The following ITPR1 variants were observed in gnomAD, a reference collection of about 807,000 sequenced individuals.
ITPR1 encodes inositol 1,4,5-trisphosphate-gated calcium channel ITPR1.
Under a neutral mutation model 318.4 loss-of-function variants are expected in ITPR1, and 96 were observed. The ratio of observed to expected loss-of-function variants is 0.30; its 90% confidence interval spans 0.26 to 0.36. The LOEUF (loss-of-function observed/expected upper bound fraction) is 0.36, where lower values mean the gene tolerates loss of function less well. Among genes scored for constraint, ITPR1 ranks in the 10% least tolerant of loss-of-function variants. The pLI is 1.00. For synonymous variants in ITPR1, 1,312 were observed against 1,289.9 expected (o/e 1.02, Z -0.37); for missense variants, 2,440 against 3,460.2 (o/e 0.71, Z 7.40).
At chr3:4,688,291 A>G (rs1163184550) in intron 30 of ITPR1, among the ~76,000 whole-genome samples, 1 of 152,138 alleles carries the variant, frequency 6.6e-6, no homozygotes, top group Non-Finnish European at 1.5e-5. Context: ...CTCCCACCCA[A>G]ATAAGATCTT....
At chr3:4,738,330 ACT>A (rs2043431645) in intron 44 of ITPR1, among the ~76,000 whole-genome samples, 1 of 152,178 alleles carries the variant, frequency 6.6e-6, no homozygotes. Flanking sequence ...AGGGAATGAG[ACT>A]CTGAACCTTG....
At chr3:4,769,081 G>T (rs1011589929) in intron 46 of ITPR1, among the ~76,000 whole-genome samples, 5 of 151,864 alleles carry the variant, frequency 3.3e-5, no homozygotes, top group Non-Finnish European at 2.9e-5. Flanking sequence ...TGTATTTTTA[G>T]TAGAGATGGG....
intron 30 of ITPR1, among the ~76,000 whole-genome samples, chr3:4,687,382 C>A (rs1162644247): frequency 6.6e-6 from 1 of 152,162 alleles, no homozygotes; most frequent in African/African-American, 2.4e-5. Flanking sequence ...GAAGTGTGCA[C>A]TTTTGTTATC....
chr3:4,784,582 T>TTTTTTA (rs753432146), intron 51 of ITPR1, among the ~76,000 whole-genome samples: 1 of 146,450 alleles, frequency 6.8e-6, no homozygotes, highest in Non-Finnish European at 1.5e-5. Flanking sequence ...TTTTTTTTTT[T>TTTTTTA]AAAAAAGGTG....
At chr3:4,599,218 A>C (rs1011332196) in intron 4 of ITPR1, among the ~76,000 whole-genome samples, 5 of 152,272 alleles carry the variant, frequency 3.3e-5, no homozygotes, top group South Asian at 2.1e-4. Context: ...GAGGTTGAAT[A>C]TGTTGCCTGC....
At chr3:4,711,405 A>G (rs2041359683) in intron 38 of ITPR1, among the ~76,000 whole-genome samples, 1 of 151,938 alleles carries the variant, frequency 6.6e-6, no homozygotes, top group African/African-American at 2.4e-5. Flanking sequence ...GTGTTGGCAT[A>G]TTTGACCCAT....
intron 39 of ITPR1, 99 bp from the exon 40 acceptor site, chr3:4,717,268 A>G (rs997066642): frequency 1.9e-6 from 2 of 1,040,574 alleles, no homozygotes; most frequent in Admixed American, 1.8e-5. Context: ...GGCTTTAAGG[A>G]GAAACGTCAG....
At chr3:4,628,275 G>A (rs907207612) in intron 5 of ITPR1, among the ~76,000 whole-genome samples, 4 of 152,274 alleles carry the variant, frequency 2.6e-5, no homozygotes, top group African/African-American at 9.6e-5. Context: ...CCCACCTCAG[G>A]AGGTCATTGT....
chr3:4,613,803 T>A (rs948319305), intron 4 of ITPR1, among the ~76,000 whole-genome samples: 1 of 152,216 alleles, frequency 6.6e-6, no homozygotes, highest in South Asian at 2.1e-4. Context: ...GTATTTCATA[T>A]ATGCATGTGT....
intron 26 of ITPR1, among the ~76,000 whole-genome samples, chr3:4,682,973 G>A (rs2094328473): frequency 6.6e-6 from 1 of 152,164 alleles, no homozygotes; most frequent in Non-Finnish European, 1.5e-5. Flanking sequence ...AGGATCATTT[G>A]AGCATAGGAG....
At chr3:4,627,346 C>T (rs2092863767) in intron 4 of ITPR1, among the ~76,000 whole-genome samples, 1 of 152,134 alleles carries the variant, frequency 6.6e-6, no homozygotes, top group Non-Finnish European at 1.5e-5. Context: ...TGCCTGTAGT[C>T]CCAGCTACTC....
intron 43 of ITPR1, among the ~76,000 whole-genome samples, chr3:4,733,913 T>G (rs2043102364): frequency 6.6e-6 from 1 of 152,228 alleles, no homozygotes; most frequent in South Asian, 2.1e-4. Flanking sequence ...TCTTACCTAG[T>G]TTGTGTTTTT....
At chr3:4,679,551 C>G (rs980580784) in intron 24 of ITPR1, among the ~76,000 whole-genome samples, 1 of 152,208 alleles carries the variant, frequency 6.6e-6, no homozygotes, top group Non-Finnish European at 1.5e-5. Context: ...CCTGTTTGCT[C>G]TATCCAGGCC....
intron 37 of ITPR1, among the ~76,000 whole-genome samples, chr3:4,709,208 T>C (rs1236649725): frequency 6.6e-6 from 1 of 152,170 alleles, no homozygotes; most frequent in African/African-American, 2.4e-5. Flanking sequence ...GACTGTGCTG[T>C]GAAAGTCAGT....
chr3:4,595,884 T>C (rs1020940896), intron 4 of ITPR1, among the ~76,000 whole-genome samples: 1 of 152,172 alleles, frequency 6.6e-6, no homozygotes, highest in Non-Finnish European at 1.5e-5. Context: ...AGGTCAGGTA[T>C]GGCTCTCATG....
intron 2 of ITPR1, among the ~76,000 whole-genome samples, chr3:4,497,819 T>A (rs1209285477): frequency 3.0e-5 from 1 of 33,286 alleles, no homozygotes; most frequent in African/African-American, 2.1e-4. Context: ...AGTCTACTGA[T>A]GAATGAACAG....
At chr3:4,741,704 G>A (rs555500345) in intron 44 of ITPR1, among the ~76,000 whole-genome samples, 1 of 152,318 alleles carries the variant, frequency 6.6e-6, no homozygotes, top group East Asian at 1.9e-4. Context: ...AGGGCGGAAA[G>A]GGCAATTTGA....
At chr3:4,576,705 A>C (rs1012725194) in intron 4 of ITPR1, among the ~76,000 whole-genome samples, 4 of 152,248 alleles carry the variant, frequency 2.6e-5, no homozygotes, top group African/African-American at 9.6e-5. Flanking sequence ...TTTTATTTGC[A>C]GGTTCCTTCA....
At chr3:4,554,033 G>A (rs1450059493) in intron 4 of ITPR1, among the ~76,000 whole-genome samples, 9 of 152,242 alleles carry the variant, frequency 5.9e-5, no homozygotes, top group African/African-American at 1.4e-4. Flanking sequence ...GTGAGCCACC[G>A]CGCCCAGCCT....
Sources: gnomAD v4.1 joint callset for allele counts (sites outside exome capture counted in the v4.1 genomes callset) on GRCh38, gnomAD v4.1.1 for gene constraint, MANE v1.5 for transcripts, NCBI Gene and HGNC (gene_info 2026-07-23, HGNC 2026-07-21) for gene names.